The following EEA1 variants were observed in gnomAD, a reference collection of about 807,000 sequenced individuals.
The protein encoded by EEA1 is early endosome antigen 1.
In EEA1, 111 loss-of-function variants were observed where a neutral mutation model predicts 209.2. The observed-to-expected ratio is 0.53, with a 90% confidence interval of 0.45 to 0.62. The LOEUF (loss-of-function observed/expected upper bound fraction) is 0.62, where lower values mean the gene tolerates loss of function less well. Among genes scored for constraint, EEA1 ranks in the 20% least tolerant of loss-of-function variants. EEA1 has a pLI of 0.00. For missense variants in EEA1, 1,343 were observed against 1,530.8 expected (o/e 0.88, Z 2.05); for synonymous variants, 536 against 540.6 (o/e 0.99, Z 0.12).
intron 2 of EEA1, among the ~76,000 whole-genome samples, chr12:92,866,110 T>G (rs1221461603): frequency 3.4e-5 from 5 of 146,998 alleles, no homozygotes; most frequent in Non-Finnish European, 5.9e-5. Context: ...GAGAATTGCT[T>G]GAACCTGGGA....
chr12:92,881,813 T>G (rs1879159586), intron 2 of EEA1, among the ~76,000 whole-genome samples: 1 of 152,326 alleles, frequency 6.6e-6, no homozygotes, highest in South Asian at 2.1e-4. Flanking sequence ...AAAATATCAC[T>G]TATTACATTA....
At chr12:92,781,863 C>T in intron 23 of EEA1, 87 bp downstream of exon 23, 1 of 1,223,778 alleles carries the variant, frequency 8.2e-7, no homozygotes. Flanking sequence ...AAGGATGATG[C>T]CTGTACTAAA....
At chr12:92,898,199 G>A (rs1879972233) in intron 1 of EEA1, among the ~76,000 whole-genome samples, 1 of 152,100 alleles carries the variant, frequency 6.6e-6, no homozygotes, top group Non-Finnish European at 1.5e-5. Context: ...CCTCAAAGAA[G>A]GGTATAAGAT....
chr12:92,906,083 CTTTTCTTTTCT>C (rs1419446843), intron 1 of EEA1, among the ~76,000 whole-genome samples: 7 of 139,436 alleles, frequency 5.0e-5, no homozygotes, highest in African/African-American at 1.8e-4. Flanking sequence ...ATTTTCTTTT[CTTTTCTTTTCT>C]TTTTTTTTTT....
At chr12:92,777,312 T>C (rs1215232544) in intron 27 of EEA1, among the ~76,000 whole-genome samples, 3 of 151,984 alleles carry the variant, frequency 2.0e-5, no homozygotes, top group Non-Finnish European at 4.4e-5. Context: ...GTTCTTTCCA[T>C]ATACTAACAA....
rs202146082 is a variant in EEA1, at chr12:92,842,583, TAACAAAACAA to T, written c.799-12_799-3del. ...ACTCCTTAGCTGGCTTATTGTGGCC[TAACAAAACAA>T]AACAAAACAAAAATTAAAGCAAACT... On this transcript the variant is annotated splice_region_variant and splice_polypyrimidine_tract_variant and intron_variant, in intron 9 of 28. Coordinates refer to ENST00000322349, the MANE Select transcript of EEA1 (RefSeq NM_003566.4). The T allele has an allele frequency of 1.3e-6, 2 of 1,544,172 alleles. No homozygotes were observed. Among genetic ancestry groups the T allele is most frequent in the Non-Finnish European group, 1.8e-6 (2 of 1,133,184 alleles).
intron 14 of EEA1, 86 bp from the exon 15 acceptor site, chr12:92,816,486 T>TAA (rs1483492482): frequency 7.9e-7 from 1 of 1,258,140 alleles, no homozygotes; most frequent in Admixed American, 2.1e-5. Flanking sequence ...ATGAGAATAT[T>TAA]AAAGTGCTTT....
chr12:92,778,310 A>G (rs1873750578), intron 25 of EEA1, 131 bp from the exon 26 acceptor site: 1 of 686,590 alleles, frequency 1.5e-6, no homozygotes. Flanking sequence ...ATATTTCATT[A>G]CACATTAATA....
intron 20 of EEA1, among the ~76,000 whole-genome samples, chr12:92,800,223 A>T (rs545430007): frequency 3.0e-4 from 45 of 152,192 alleles, no homozygotes; most frequent in African/African-American, 1.1e-3. Context: ...CTCTGTTTAA[A>T]ATAATAATAA....
At chr12:92,881,779 C>T (rs1027106454) in intron 2 of EEA1, among the ~76,000 whole-genome samples, 3 of 152,136 alleles carry the variant, frequency 2.0e-5, no homozygotes, top group Non-Finnish European at 2.9e-5. Context: ...CTGAACTGTC[C>T]TGATGAAAAC....
intron 1 of EEA1, among the ~76,000 whole-genome samples, chr12:92,923,052 C>T (rs1183546977): frequency 6.6e-6 from 1 of 151,032 alleles, no homozygotes; most frequent in East Asian, 2.0e-4. Context: ...GATTTGATAA[C>T]TTTAAAATTC....
chr12:92,845,012 C>A (rs1026398252), intron 9 of EEA1, among the ~76,000 whole-genome samples: 5 of 151,978 alleles, frequency 3.3e-5, no homozygotes, highest in Non-Finnish European at 7.4e-5. Flanking sequence ...CAAACACACT[C>A]CAAAATATCC....
At chr12:92,777,039 A>C in intron 27 of EEA1, 97 bp from the exon 28 acceptor site, 1 of 1,251,124 alleles carries the variant, frequency 8.0e-7, no homozygotes, top group Non-Finnish European at 1.1e-6. Context: ...TAAAATTTTG[A>C]CTATATGACC....
At chr12:92,887,097 T>C (rs1879445986) in intron 2 of EEA1, among the ~76,000 whole-genome samples, 1 of 152,080 alleles carries the variant, frequency 6.6e-6, no homozygotes, top group South Asian at 2.1e-4. Flanking sequence ...TAATGGCATA[T>C]TAAACAGCAG....
At chr12:92,877,912 T>G (rs1170250233) in intron 2 of EEA1, among the ~76,000 whole-genome samples, 1 of 152,246 alleles carries the variant, frequency 6.6e-6, no homozygotes, top group Non-Finnish European at 1.5e-5. Flanking sequence ...ATGAATTTTC[T>G]TTTTTCTTTT....
intron 2 of EEA1, among the ~76,000 whole-genome samples, chr12:92,878,189 C>T (rs1252555881): frequency 6.6e-6 from 1 of 152,206 alleles, no homozygotes; most frequent in South Asian, 2.1e-4. Flanking sequence ...TTGCTTGAAG[C>T]CAGGAGCTTG....
At chr12:92,854,022 T>A in intron 5 of EEA1, 68 bp from the exon 6 acceptor site, 3 of 1,234,598 alleles carry the variant, frequency 2.4e-6, no homozygotes, top group Non-Finnish European at 3.3e-6. Context: ...AAATGGTCAA[T>A]GTTAAAAAAT....
At chr12:92,907,586 C>G (rs1265862064) in intron 1 of EEA1, among the ~76,000 whole-genome samples, 1 of 152,122 alleles carries the variant, frequency 6.6e-6, no homozygotes, top group Non-Finnish European at 1.5e-5. Context: ...CATCTCTCAC[C>G]TGGACGATAA....
chr12:92,876,239 A>G (rs1216112661), intron 2 of EEA1, among the ~76,000 whole-genome samples: 1 of 151,354 alleles, frequency 6.6e-6, no homozygotes, highest in East Asian at 1.9e-4. Flanking sequence ...CTCCTGGCTA[A>G]TTTTCTTTTT....
Sources: allele counts gnomAD v4.1 joint callset (sites outside exome capture counted in the v4.1 genomes callset), GRCh38; gene constraint gnomAD v4.1.1; transcripts MANE v1.5; gene names NCBI Gene and HGNC (gene_info 2026-07-23, HGNC 2026-07-21).